UNG: variants seen among roughly 807,000 people sequenced by gnomAD.
UNG encodes the protein uracil DNA glycosylase.
In UNG, 34 loss-of-function variants were observed where a neutral mutation model predicts 36.5. The observed-to-expected ratio is 0.93, with a 90% CI of 0.71 to 1.24. The LOEUF is 1.24. UNG is among the 50% of genes most tolerant of loss of function. The probability of loss-of-function intolerance (pLI) is 0.00; values close to 1 mark genes in which losing one functional copy is unlikely to be tolerated. For missense variants in UNG, 391 were observed against 397.6 expected (o/e 0.98, Z 0.14); for synonymous variants, 172 against 157.8 (o/e 1.09, Z -0.67).
intron 1 of UNG, chr12:109,098,035 C>A (rs962390515): frequency 1.5e-6 from 2 of 1,336,616 alleles, no homozygotes; most frequent in Admixed American, 6.2e-5. Flanking sequence ...CGCCAATCCG[C>A]GCGCCGCAGG....
chr12:109,109,635 T>G (rs1359985450), intron 6 of UNG, among the ~76,000 whole-genome samples, 194 bp from the exon 7 acceptor site: 1 of 151,646 alleles, frequency 6.6e-6, no homozygotes, highest in African/African-American at 2.4e-5. Context: ...ATACAAAAAT[T>G]AGCTGGGTGT....
intron 6 of UNG, among the ~76,000 whole-genome samples, chr12:109,108,783 A>T (rs1017651231): frequency 1.3e-5 from 2 of 152,158 alleles, no homozygotes; most frequent in Non-Finnish European, 2.9e-5. Flanking sequence ...GGTGCATGCC[A>T]TCACACTTGG....
intron 1 of UNG, chr12:109,098,059 G>A (rs1033385144): frequency 7.2e-6 from 10 of 1,380,076 alleles, no homozygotes; most frequent in Non-Finnish European, 8.4e-6. Context: ...TCCTGGCTCG[G>A]TGCGCTGTCC....
rs1204967980 is a variant in UNG at position 109,097,634 on chromosome 12, C to G, written c.-46C>G. Reference sequence around the variant, plus strand: ...CCACAGCCACAGCCAGGGCTAGCCTCGCCGGTTCCCGGGTGGCGCGCGTTC... The same window carrying G: ...CCACAGCCACAGCCAGGGCTAGCCTGGCCGGTTCCCGGGTGGCGCGCGTTC... On this transcript the variant is annotated 5_prime_UTR_variant, in exon 1 of 7. Coordinates refer to ENST00000242576, the MANE Select transcript of UNG (RefSeq NM_080911.3). 11 of 1,590,890 alleles carry G rather than the reference C, an allele frequency of 6.9e-6. No homozygotes were observed. In the Admixed American group the frequency reaches 1.0e-4, roughly 15 times the overall value.
chr12:109,105,641 CA>C (rs2042210160), intron 6 of UNG, among the ~76,000 whole-genome samples: 1 of 152,184 alleles, frequency 6.6e-6, no homozygotes, highest in South Asian at 2.1e-4. Context: ...TCCCTAGCAG[CA>C]AAAAGCACCA....
intron 3 of UNG, 138 bp from the exon 4 acceptor site, chr12:109,101,764 G>A: frequency 1.3e-6 from 1 of 743,840 alleles, no homozygotes. Flanking sequence ...AATACGCTTA[G>A]CCTTTGACCA....
At chr12:109,109,505 C>A (rs1004471604) in intron 6 of UNG, among the ~76,000 whole-genome samples, 3 of 151,392 alleles carry the variant, frequency 2.0e-5, no homozygotes, top group South Asian at 2.1e-4. Flanking sequence ...AAGTCCCGGC[C>A]GGGCATGGTG....
In UNG at chr12:109,110,612, G is replaced by A. The variant is rs995199344; in HGVS notation, c.*643G>A. 2 of 153,698 alleles carry A rather than the reference G, an allele frequency of 1.3e-5. No homozygotes were observed. Among genetic ancestry groups the A allele is most frequent in the African/African-American group, 4.8e-5 (2 of 41,420 alleles). 9.5% of individuals were successfully genotyped at this position (153,698 alleles called of 1,614,324 possible). ...AGTAAGCTGGGTCTTGTTATTCCTT[G>A]GGTGTTGGTGGAATAAGCAGTGGAA... On this transcript the variant is annotated 3_prime_UTR_variant, in exon 7 of 7. Coordinates refer to ENST00000242576, the MANE Select transcript of UNG (RefSeq NM_080911.3).
chr12:109,098,282 G>C (rs766375778), intron 1 of UNG, 150 bp from the exon 2 acceptor site: 2 of 1,560,688 alleles, frequency 1.3e-6, no homozygotes, highest in African/African-American at 2.7e-5. Context: ...ACCGGGCCCA[G>C]CCCTGGGCTC....
intron 6 of UNG, among the ~76,000 whole-genome samples, chr12:109,104,046 T>C (rs2541883): frequency 2.7e-5 from 4 of 150,730 alleles, no homozygotes; most frequent in African/African-American, 9.9e-5. Flanking sequence ...ATTATTGTTT[T>C]GTTTCTGGGT....
intron 3 of UNG, 80 bp from the exon 4 acceptor site, chr12:109,101,822 T>G: frequency 8.2e-7 from 1 of 1,224,360 alleles, no homozygotes; most frequent in Non-Finnish European, 1.2e-6. Context: ...TTTATTTGTT[T>G]TGTTTATGTT....
chr12:109,110,009 C>A lies in UNG; in HGVS notation c.*40C>A, dbSNP rs113164038. On this transcript the variant is annotated 3_prime_UTR_variant, in exon 7 of 7. Coordinates refer to ENST00000242576, the MANE Select transcript of UNG (RefSeq NM_080911.3). ...GTGGCCTTTGAGAAGCTGCTGTTAA[C>A]GTATTTGCCAGTTACGAAGTTCCAC... 3.1e-6 allele frequency: 5 copies of A among 1,613,712 alleles called. No homozygotes were observed. The highest frequency in any genetic ancestry group is 4.2e-6 in the Non-Finnish European group (5 of 1,179,856).
intron 6 of UNG, among the ~76,000 whole-genome samples, chr12:109,109,482 G>C (rs1384643431): frequency 6.8e-6 from 1 of 147,106 alleles, no homozygotes; most frequent in Admixed American, 6.7e-5. Context: ...TCCTTTTTGG[G>C]GAAAAAAAAA....
At chr12:109,107,992 A>G (rs1039039391) in intron 6 of UNG, among the ~76,000 whole-genome samples, 1 of 152,058 alleles carries the variant, frequency 6.6e-6, no homozygotes, top group East Asian at 1.9e-4. Context: ...TGTCTTGGGT[A>G]TTTTTCTAAA....
chr12:109,098,452 C>T lies in UNG; in HGVS notation c.153C>T (p.Ala51=). ...TGCAGGCCATCCCAGCCAAGAAGGC[C>T]CCGGCTGGGCAGGAGGAGCCTGGGA... ...GDAAAIPAKK[A]PAGQEEPGTP... is the part of the protein sequence containing the mutation. The change falls in exon 2 of 7, where the codon GCC becomes GCT. Residue 51 remains alanine (A), a synonymous_variant. Transcript: ENST00000242576. The T allele has an allele frequency of 6.2e-7, 1 of 1,610,016 alleles. No homozygotes were observed. The highest frequency in any genetic ancestry group is 8.5e-7 in the Non-Finnish European group (1 of 1,178,424).
At chr12:109,102,064 T>C in intron 4 of UNG, 65 bp downstream of exon 4, 2 of 1,451,870 alleles carry the variant, frequency 1.4e-6, no homozygotes, top group South Asian at 2.3e-5. Context: ...ACTTAGCTTA[T>C]TACAAGTGGG....
Position 109,103,567 on chromosome 12 carries a change from C to G in UNG, c.757C>G (p.Leu253Val), listed in dbSNP as rs1157293581. Residue 253 changes from leucine (L) to valine (V), a missense_variant, in exon 6 of 7, where the codon CTC (leucine) becomes GTC (valine). Coordinates refer to ENST00000242576, the MANE Select transcript of UNG (RefSeq NM_080911.3). ...NQNSNGLVFL[L>V]WGSYAQKKGS... Reference sequence around the variant, plus strand: ...GAACTCGAATGGCCTTGTTTTCTTGCTCTGGGGCTCTTATGCTCAGAAGAA... The same window carrying G: ...GAACTCGAATGGCCTTGTTTTCTTGGTCTGGGGCTCTTATGCTCAGAAGAA... 6.2e-7 allele frequency: 1 copy of G among 1,613,990 alleles called. No homozygotes were observed. Among genetic ancestry groups the G allele is most frequent in the Non-Finnish European group, 8.5e-7 (1 of 1,180,022 alleles).
chr12:109,108,375 T>A (rs896032148), intron 6 of UNG, among the ~76,000 whole-genome samples: 1 of 152,174 alleles, frequency 6.6e-6, no homozygotes, highest in Non-Finnish European at 1.5e-5. Context: ...GGCTCACGCC[T>A]GTAATCCCAA....
At chr12:109,103,298 G>A in intron 5 of UNG, 135 bp from the exon 6 acceptor site, 2 of 863,970 alleles carry the variant, frequency 2.3e-6, no homozygotes, top group Non-Finnish European at 1.9e-6. Flanking sequence ...CATTATGCCG[G>A]CTGCAGCAGG....
Sources: gnomAD v4.1 joint callset for allele counts (sites outside exome capture counted in the v4.1 genomes callset) on GRCh38, gnomAD v4.1.1 for gene constraint, MANE v1.5 for transcripts, NCBI Gene and HGNC (gene_info 2026-07-23, HGNC 2026-07-21) for gene names.